HHAT: variants seen among roughly 807,000 people sequenced by gnomAD.
HHAT encodes protein-cysteine N-palmitoyltransferase HHAT.
HHAT carries 47 observed loss-of-function variants against 70.8 expected under a neutral mutation model. The observed-to-expected ratio is 0.66, with a 90% CI of 0.53 to 0.85. The LOEUF (loss-of-function observed/expected upper bound fraction) is 0.85, where lower values mean the gene tolerates loss of function less well. Among genes scored for constraint, HHAT ranks in the 40% least tolerant of loss-of-function variants. The pLI is 0.00. For synonymous variants in HHAT, 228 were observed against 247.6 expected (o/e 0.92, Z 0.74); for missense variants, 609 against 604.8 (o/e 1.01, Z -0.07).
intron 4 of HHAT, among the ~76,000 whole-genome samples, chr1:210,390,094 T>C (rs1345828638): frequency 6.6e-6 from 1 of 151,824 alleles, no homozygotes; most frequent in Non-Finnish European, 1.5e-5. Context: ...TTGAAGTAAG[T>C]TTAAATATGT....
chr1:210,497,020 A>G (rs563030713), intron 8 of HHAT, among the ~76,000 whole-genome samples: 1 of 152,324 alleles, frequency 6.6e-6, no homozygotes, highest in African/African-American at 2.4e-5. Flanking sequence ...AATATGTTAC[A>G]GGGGTTTGTG....
intron 9 of HHAT, among the ~76,000 whole-genome samples, chr1:210,519,386 T>A (rs1025990731): frequency 6.6e-6 from 1 of 152,202 alleles, no homozygotes; most frequent in Non-Finnish European, 1.5e-5. Flanking sequence ...GATTGCAGGA[T>A]CATACAGTAG....
chr1:210,351,084 C>T (rs960736815), intron 2 of HHAT, among the ~76,000 whole-genome samples: 2 of 152,182 alleles, frequency 1.3e-5, no homozygotes, highest in Admixed American at 1.3e-4. Context: ...CCATGATCTT[C>T]TGTCTGCAAG....
intron 9 of HHAT, among the ~76,000 whole-genome samples, chr1:210,527,043 A>G (rs1260311471): frequency 6.6e-6 from 1 of 152,080 alleles, no homozygotes; most frequent in Non-Finnish European, 1.5e-5. Flanking sequence ...TTTTGTTCTA[A>G]TGAGACAACT....
At chr1:210,402,154 G>A (rs996604114) in intron 5 of HHAT, among the ~76,000 whole-genome samples, 5 of 152,204 alleles carry the variant, frequency 3.3e-5, no homozygotes, top group African/African-American at 1.2e-4. Context: ...GAAATGCATG[G>A]CAAGAACACA....
chr1:210,406,358 T>G (rs1376038100), intron 6 of HHAT, among the ~76,000 whole-genome samples: 1 of 152,046 alleles, frequency 6.6e-6, no homozygotes, highest in Non-Finnish European at 1.5e-5. Flanking sequence ...TTTGTTATTA[T>G]GCAAAATAAT....
intron 10 of HHAT, among the ~76,000 whole-genome samples, chr1:210,608,209 T>C (rs75477697): frequency 0.024 from 3,713 of 152,252 alleles, 166 homozygotes; most frequent in African/African-American, 0.086. Context: ...AAGAACAAAA[T>C]AGGATAGAGG....
chr1:210,559,062 G>A (rs1573315887), intron 9 of HHAT, among the ~76,000 whole-genome samples: 1 of 152,176 alleles, frequency 6.6e-6, no homozygotes, highest in Non-Finnish European at 1.5e-5. Flanking sequence ...AATTTGCTGA[G>A]CATTTGTTAC....
At chr1:210,399,567 G>T (rs1423521324) in intron 4 of HHAT, among the ~76,000 whole-genome samples, 1 of 152,090 alleles carries the variant, frequency 6.6e-6, no homozygotes, top group Admixed American at 6.6e-5. Flanking sequence ...CACAGAGATG[G>T]AGTCATTTGC....
At chr1:210,464,454 A>G in intron 7 of HHAT, 51 bp from the exon 8 acceptor site, 1 of 1,607,506 alleles carries the variant, frequency 6.2e-7, no homozygotes, top group Non-Finnish European at 8.5e-7. Context: ...CTCCTCCAGG[A>G]AACTGCTGTG....
intron 2 of HHAT, among the ~76,000 whole-genome samples, chr1:210,357,967 C>T (rs1055049378): frequency 1.3e-5 from 2 of 151,964 alleles, no homozygotes; most frequent in African/African-American, 4.9e-5. Context: ...AGTCATGAAC[C>T]TAAGAAAGTT....
chr1:210,464,705 G>T, intron 8 of HHAT, 50 bp downstream of exon 8: 2 of 1,603,204 alleles, frequency 1.2e-6, no homozygotes, highest in Non-Finnish European at 1.7e-6. Context: ...AGTGGGAGGA[G>T]CATGGCTGGG....
At chr1:210,478,962 C>T (rs1186333554) in intron 8 of HHAT, among the ~76,000 whole-genome samples, 1 of 151,898 alleles carries the variant, frequency 6.6e-6, no homozygotes, top group African/African-American at 2.4e-5. Context: ...TGTGTCATGC[C>T]ATCTGACCCG....
chr1:210,640,680 C>T (rs1672814518), intron 11 of HHAT, among the ~76,000 whole-genome samples: 1 of 151,978 alleles, frequency 6.6e-6, no homozygotes, highest in Non-Finnish European at 1.5e-5. Context: ...CCACTGCCCC[C>T]CACACACGCA....
intron 6 of HHAT, among the ~76,000 whole-genome samples, chr1:210,410,335 C>T (rs562355042): frequency 1.6e-4 from 24 of 151,692 alleles, no homozygotes; most frequent in African/African-American, 5.1e-4. Context: ...GGATTGCAGG[C>T]GTGAGCCACC....
At chr1:210,428,102 T>C (rs1004178375) in intron 7 of HHAT, among the ~76,000 whole-genome samples, 54 of 137,784 alleles carry the variant, frequency 3.9e-4, no homozygotes, top group Non-Finnish European at 4.7e-5. Flanking sequence ...TGTCAGAAAT[T>C]AGGATTACAA....
intron 11 of HHAT, among the ~76,000 whole-genome samples, chr1:210,672,824 C>G (rs1436353392): frequency 6.6e-6 from 1 of 152,182 alleles, no homozygotes; most frequent in Non-Finnish European, 1.5e-5. Context: ...TAAAAGCTTT[C>G]AGTTTTGAAA....
At chr1:210,422,081 T>G (rs1378365894) in intron 7 of HHAT, among the ~76,000 whole-genome samples, 1 of 152,198 alleles carries the variant, frequency 6.6e-6, no homozygotes, top group Non-Finnish European at 1.5e-5. Flanking sequence ...AAAAAAATCT[T>G]TAGTTATTGT....
chr1:210,331,410 C>G (rs2084974103), intron 1 of HHAT, among the ~76,000 whole-genome samples: 1 of 152,170 alleles, frequency 6.6e-6, no homozygotes, highest in Non-Finnish European at 1.5e-5. Flanking sequence ...GTGGCAATTT[C>G]AGGATACTTT....
Sources: gnomAD v4.1 joint callset for allele counts (sites outside exome capture counted in the v4.1 genomes callset) on GRCh38, gnomAD v4.1.1 for gene constraint, MANE v1.5 for transcripts, NCBI Gene and HGNC (gene_info 2026-07-23, HGNC 2026-07-21) for gene names.